The following CMKLR1 variants were observed in gnomAD, a reference collection of about 807,000 sequenced individuals.
The protein encoded by CMKLR1 is chemerin chemokine-like receptor 1.
Under a neutral mutation model 8.2 loss-of-function variants are expected in CMKLR1, and 6 were observed. The ratio of observed to expected loss-of-function variants is 0.73; its 90% CI spans 0.40 to 1.44. The LOEUF is 1.44. CMKLR1 is among the 40% of genes most tolerant of loss of function. CMKLR1 has a pLI of 0.02. For synonymous variants in CMKLR1, 178 were observed against 181.2 expected (o/e 0.98, Z 0.14); for missense variants, 429 against 478.0 (o/e 0.90, Z 0.96).
Position 108,292,807 on chromosome 12 carries a change from G to C in CMKLR1, c.156C>G (p.Phe52Leu), listed in dbSNP as rs751530283. 1 of 1,614,174 alleles carries C rather than the reference G, an allele frequency of 6.2e-7. No individual in the cohort carries two copies. Among genetic ancestry groups the C allele is most frequent in the South Asian group, 1.1e-5 (1 of 91,072 alleles). ...FLVVVYSIVCFLGILGNGLVI... is the reference protein window; with the variant it reads ...FLVVVYSIVCLLGILGNGLVI... ...CCAGACCATTGCCCAGAATCCCGAG[G>C]AAGCAGACGATGCTGTAGACCACCA... Residue 52 changes from phenylalanine to leucine, a missense_variant, in exon 4 of 4, where the codon TTC becomes TTG. By Grantham distance (22) the Phe-to-Leu change is conservative. Transcript: ENST00000550402.
chr12:108,332,624 C>T (rs1463425504), intron 1 of CMKLR1, among the ~76,000 whole-genome samples: 1 of 152,186 alleles, frequency 6.6e-6, no homozygotes, highest in Non-Finnish European at 1.5e-5. Context: ...ATGCTGGATG[C>T]TTCTTGCCCT....
At chr12:108,335,379 T>C (rs1892197599) in intron 1 of CMKLR1, among the ~76,000 whole-genome samples, 1 of 152,216 alleles carries the variant, frequency 6.6e-6, no homozygotes, top group Non-Finnish European at 1.5e-5. Context: ...TACTTTCTTT[T>C]GTCTTGTGCA....
At chr12:108,323,426 T>C (rs965746186) in intron 2 of CMKLR1, among the ~76,000 whole-genome samples, 1 of 151,960 alleles carries the variant, frequency 6.6e-6, no homozygotes, top group Non-Finnish European at 1.5e-5. Context: ...TGGGCTGGGG[T>C]TGTCAACCCT....
At chr12:108,305,507 G>A (rs1255163504) in intron 2 of CMKLR1, among the ~76,000 whole-genome samples, 1 of 152,190 alleles carries the variant, frequency 6.6e-6, no homozygotes, top group Non-Finnish European at 1.5e-5. Flanking sequence ...GTCTTTGCCT[G>A]CTGCCTTCTG....
chr12:108,317,337 A>G (rs1281249766), intron 2 of CMKLR1, among the ~76,000 whole-genome samples: 1 of 152,216 alleles, frequency 6.6e-6, no homozygotes, highest in Non-Finnish European at 1.5e-5. Context: ...TGTTTTCCCT[A>G]CAAACATTTC....
chr12:108,332,319 GTGAATCACT>G (rs754044588), intron 1 of CMKLR1, among the ~76,000 whole-genome samples: 1 of 152,238 alleles, frequency 6.6e-6, no homozygotes, highest in Non-Finnish European at 1.5e-5. Context: ...GCCAAGGCAG[GTGAATCACT>G]TGAGTCCAGG....
At chr12:108,301,281 TAG>T (rs1891264115) in intron 2 of CMKLR1, among the ~76,000 whole-genome samples, 1 of 152,012 alleles carries the variant, frequency 6.6e-6, no homozygotes, top group Non-Finnish European at 1.5e-5. Flanking sequence ...TTCACCATGT[TAG>T]CCAGGATGGT....
At chr12:108,315,150 T>G (rs1243535288) in intron 2 of CMKLR1, among the ~76,000 whole-genome samples, 1 of 151,978 alleles carries the variant, frequency 6.6e-6, no homozygotes, top group African/African-American at 2.4e-5. Flanking sequence ...TTGGTCAGGC[T>G]GGTCTCAGGT....
chr12:108,315,183 A>C (rs1482791802), intron 2 of CMKLR1, among the ~76,000 whole-genome samples: 7 of 152,108 alleles, frequency 4.6e-5, no homozygotes, highest in Non-Finnish European at 1.0e-4. Flanking sequence ...TCGGCCTCCC[A>C]AAGTGCTGGG....
chr12:108,324,423 G>C (rs970971434), intron 2 of CMKLR1, among the ~76,000 whole-genome samples: 1 of 152,148 alleles, frequency 6.6e-6, no homozygotes, highest in African/African-American at 2.4e-5. Flanking sequence ...GAGAGGTGAG[G>C]GGAAGAGGAT....
chr12:108,322,673 T>C (rs1028445514), intron 2 of CMKLR1, among the ~76,000 whole-genome samples: 3 of 151,922 alleles, frequency 2.0e-5, no homozygotes, highest in Non-Finnish European at 4.4e-5. Flanking sequence ...CTTCCTTCCC[T>C]CTCTCCCTCC....
intron 2 of CMKLR1, among the ~76,000 whole-genome samples, chr12:108,319,585 TAATA>T (rs1891810966): frequency 6.6e-6 from 1 of 152,312 alleles, no homozygotes; most frequent in South Asian, 2.1e-4. Context: ...ACCTCATAAA[TAATA>T]TATACCTTAT....
intron 2 of CMKLR1, among the ~76,000 whole-genome samples, chr12:108,304,620 G>GC (rs942767211): frequency 2.9e-4 from 44 of 151,754 alleles, no homozygotes; most frequent in African/African-American, 1.0e-3. Flanking sequence ...TTTGTTCCTG[G>GC]CCCTCTCCGT....
rs1890986099 is a variant in CMKLR1 at position 108,292,021 on chromosome 12, A to G, written c.942T>C (p.Ile314=). 1 of 1,613,992 alleles carries G rather than the reference A, an allele frequency of 6.2e-7. No individual in the cohort carries two copies. The highest frequency in any genetic ancestry group is 1.3e-5 in the African/African-American group (1 of 74,898). ...AGTCCTGACCCATGAAAACATACAGAATGGGGTTCATGCAGCTGTTGGCAA... is the reference window on the plus strand; with the variant it reads ...AGTCCTGACCCATGAAAACATACAGGATGGGGTTCATGCAGCTGTTGGCAA... ...LAIANSCMNP[I]LYVFMGQDFK... is the part of the protein sequence containing the mutation. The change falls in exon 4 of 4, where the codon ATT becomes ATC. Residue 314 remains isoleucine, a synonymous_variant. Transcript: ENST00000550402.
At chr12:108,334,108 C>T (rs564188014) in intron 1 of CMKLR1, among the ~76,000 whole-genome samples, 5 of 152,366 alleles carry the variant, frequency 3.3e-5, no homozygotes, top group African/African-American at 9.6e-5. Context: ...CCAATCAGGG[C>T]CTCACTTTCC....
chr12:108,302,785 C>T (rs565035335), intron 2 of CMKLR1, among the ~76,000 whole-genome samples: 9 of 152,162 alleles, frequency 5.9e-5, no homozygotes, highest in East Asian at 1.9e-4. Flanking sequence ...AATAGCCAGA[C>T]GCACATTGAA....
intron 2 of CMKLR1, among the ~76,000 whole-genome samples, chr12:108,322,503 G>T (rs1318273939): frequency 6.6e-6 from 1 of 152,122 alleles, no homozygotes; most frequent in Non-Finnish European, 1.5e-5. Context: ...AGCCTGGGGT[G>T]CCCACTGGCC....
At position 108,292,938 on chromosome 12, in the gene CMKLR1, T is replaced by G. The variant is rs755870319; in HGVS notation, c.25A>C (p.Asn9His). 2.5e-6 allele frequency: 4 copies of G among 1,610,742 alleles called. No homozygotes were observed. The highest frequency in any genetic ancestry group is 4.5e-5 in the East Asian group (2 of 44,818). The change falls in exon 4 of 4, where the codon AAC becomes CAC. Residue 9 changes from asparagine (N) to histidine (H), a missense_variant. Transcript: ENST00000550402. MRMEDEDYNTSISYGDEYP... is the reference protein window; with the variant it reads MRMEDEDYHTSISYGDEYP... ...TCATCACCGTAACTGATGGAAGTGT[T>G]GTAATCTTCATCCTCCATTCTCTGC...
At chr12:108,315,369 CACA>C (rs1250420743) in intron 2 of CMKLR1, among the ~76,000 whole-genome samples, 4 of 152,182 alleles carry the variant, frequency 2.6e-5, no homozygotes, top group African/African-American at 9.7e-5. Flanking sequence ...CTGGCTTGCC[CACA>C]ACAATCCCTG....
Sources: allele counts gnomAD v4.1 joint callset (sites outside exome capture counted in the v4.1 genomes callset), GRCh38; gene constraint gnomAD v4.1.1; transcripts MANE v1.5; gene names NCBI Gene and HGNC (gene_info 2026-07-23, HGNC 2026-07-21).